HSPA4: variants seen among roughly 807,000 people sequenced by gnomAD.
The protein encoded by HSPA4 is heat shock protein family A (Hsp70) member 4, also known as heat shock 70 kDa protein 4.
Under a neutral mutation model 106.2 loss-of-function variants are expected in HSPA4, and 25 were observed. That is an observed-to-expected ratio of 0.24 (90% CI 0.17 to 0.33). The LOEUF (loss-of-function observed/expected upper bound fraction) is 0.33, where lower values mean the gene tolerates loss of function less well. Ranked by LOEUF, HSPA4 falls within the 10% of genes least tolerant of loss-of-function variation. The pLI is 1.00. For synonymous variants in HSPA4, 332 were observed against 333.6 expected (o/e 1.00, Z 0.05); for missense variants, 841 against 996.0 (o/e 0.84, Z 2.10).
intron 3 of HSPA4, 86 bp downstream of exon 3, chr5:133,067,643 A>T: frequency 8.4e-7 from 1 of 1,191,656 alleles, no homozygotes; most frequent in Non-Finnish European, 1.2e-6. Context: ...TTCTGATGTC[A>T]GATTGCAATG....
intron 3 of HSPA4, among the ~76,000 whole-genome samples, chr5:133,068,733 G>T (rs1765343703): frequency 6.6e-6 from 1 of 152,074 alleles, no homozygotes; most frequent in African/African-American, 2.4e-5. Context: ...AAAAAGGGAG[G>T]TGAAGAAATG....
intron 3 of HSPA4, 36 bp downstream of exon 3, chr5:133,067,593 G>C: frequency 2.6e-6 from 4 of 1,520,248 alleles, no homozygotes; most frequent in Non-Finnish European, 3.6e-6. Flanking sequence ...TAATTAAAAT[G>C]CATTATTATA....
At chr5:133,054,594 C>T (rs1765135614) in intron 1 of HSPA4, among the ~76,000 whole-genome samples, 1 of 152,160 alleles carries the variant, frequency 6.6e-6, no homozygotes, top group Admixed American at 6.5e-5. Flanking sequence ...GCAACCATTA[C>T]TGTAATCAAT....
intron 6 of HSPA4, among the ~76,000 whole-genome samples, chr5:133,075,151 T>C (rs1009666483): frequency 3.3e-5 from 5 of 152,216 alleles, no homozygotes. Flanking sequence ...TGTTTTTAAA[T>C]AAAAAGAAAG....
chr5:133,076,551 C>T, intron 6 of HSPA4, 103 bp from the exon 7 acceptor site: 2 of 999,772 alleles, frequency 2.0e-6, no homozygotes, highest in Non-Finnish European at 2.9e-6. Context: ...TAATGTAACC[C>T]TCCCTCTTTT....
At chr5:133,091,132 T>A in intron 11 of HSPA4, 61 bp from the exon 12 acceptor site, 1 of 1,330,068 alleles carries the variant, frequency 7.5e-7, no homozygotes, top group Non-Finnish European at 1.1e-6. Context: ...TGTAGGCATA[T>A]ATTCATGCTT....
chr5:133,068,419 G>A (rs1311355175), intron 3 of HSPA4, among the ~76,000 whole-genome samples: 1 of 151,494 alleles, frequency 6.6e-6, no homozygotes, highest in Non-Finnish European at 1.5e-5. Flanking sequence ...GAGGTAGTAA[G>A]AGGAATCCAT....
chr5:133,060,047 G>A (rs996585960), intron 1 of HSPA4, among the ~76,000 whole-genome samples: 1 of 147,292 alleles, frequency 6.8e-6, no homozygotes, highest in Non-Finnish European at 1.5e-5. Flanking sequence ...GAAGCAAACT[G>A]ATTGTGGTAT....
intron 16 of HSPA4, among the ~76,000 whole-genome samples, chr5:133,100,796 G>T (rs1561587452): frequency 6.6e-6 from 1 of 152,108 alleles, no homozygotes. Context: ...TTTAGCTCTG[G>T]ATTACTTGGT....
chr5:133,078,516 TC>T (rs1187111838), intron 7 of HSPA4, among the ~76,000 whole-genome samples: 14 of 150,560 alleles, frequency 9.3e-5, no homozygotes, highest in Non-Finnish European at 2.1e-4. Context: ...GCGCCTGTAA[TC>T]CCAGCTACTT....
At chr5:133,094,291 C>T (rs761805399) in intron 13 of HSPA4, among the ~76,000 whole-genome samples, 4 of 152,076 alleles carry the variant, frequency 2.6e-5, no homozygotes, top group Non-Finnish European at 4.4e-5. Context: ...ATCTCACCAT[C>T]TTAGGAGTTT....
intron 7 of HSPA4, among the ~76,000 whole-genome samples, chr5:133,081,680 T>A (rs1765516626): frequency 6.6e-6 from 1 of 152,172 alleles, no homozygotes; most frequent in Non-Finnish European, 1.5e-5. Flanking sequence ...TGTACAGAGC[T>A]GATACTAAGC....
Position 133,098,223 on chromosome 5 carries a change from G to A in HSPA4, c.1929+937G>A, listed in dbSNP as rs543504611. ...TAATGGCCTCCAGCTCCATCCAGTT[G>A]CTGCAAAAGACATTATTTTGCTACT... is the stretch of plus-strand genomic sequence containing the variant. On this transcript the variant is annotated intron_variant, in intron 15 of 18. Coordinates refer to ENST00000304858, the MANE Select transcript of HSPA4 (RefSeq NM_002154.4). Among the ~76,000 whole-genome samples the A allele has an allele frequency of 8.5e-5, 13 of 152,244 alleles. No individual in the cohort carries two copies. The South Asian group carries it at 2.5e-3, about 29-fold the overall frequency.
At chr5:133,070,765 G>T (rs1765370990) in intron 4 of HSPA4, among the ~76,000 whole-genome samples, 1 of 152,046 alleles carries the variant, frequency 6.6e-6, no homozygotes, top group Non-Finnish European at 1.5e-5. Flanking sequence ...AGTTGGGCGT[G>T]GTGATGGGCA....
rs1765835279 is a variant in HSPA4 at position 133,104,789 on chromosome 5, C to T, written c.*353C>T. 4 of 218,640 alleles carry T rather than the reference C, an allele frequency of 1.8e-5. 1 individual carries two copies. In the South Asian group the frequency reaches 1.9e-4, roughly 11 times the overall value. 13.5% of individuals were successfully genotyped at this position (218,640 alleles called of 1,614,324 possible). On this transcript the variant is annotated 3_prime_UTR_variant, in exon 19 of 19. Transcript: ENST00000304858. ...CTATCCAGCAGACTTTTCATTATGA[C>T]TTACATGGCAGGAGCTCTAATTATG...
intron 8 of HSPA4, among the ~76,000 whole-genome samples, chr5:133,087,540 G>T (rs1003934380): frequency 6.6e-6 from 1 of 152,214 alleles, no homozygotes; most frequent in African/African-American, 2.4e-5. Context: ...GTGATATTAA[G>T]AAGTATTTTA....
intron 4 of HSPA4, 65 bp from the exon 5 acceptor site, chr5:133,073,165 T>G: frequency 2.1e-6 from 2 of 943,972 alleles, no homozygotes; most frequent in Middle Eastern, 2.1e-4. Context: ...TTGATGGTGT[T>G]CCTGGATTTT....
intron 2 of HSPA4, among the ~76,000 whole-genome samples, chr5:133,065,753 T>G (rs1469364598): frequency 6.6e-6 from 1 of 152,206 alleles, no homozygotes; most frequent in Non-Finnish European, 1.5e-5. Context: ...TTAAAGGACT[T>G]GCTTTTAGTT....
At chr5:133,061,125 CT>C (rs576430090) in intron 1 of HSPA4, among the ~76,000 whole-genome samples, 251 of 135,782 alleles carry the variant, frequency 1.8e-3, no homozygotes, top group East Asian at 9.1e-3. Flanking sequence ...GTTTTCTTTT[CT>C]TTTTTTTTTT....
Sources: allele counts gnomAD v4.1 joint callset (sites outside exome capture counted in the v4.1 genomes callset), GRCh38; gene constraint gnomAD v4.1.1; transcripts MANE v1.5; gene names NCBI Gene and HGNC (gene_info 2026-07-23, HGNC 2026-07-21).